Variants in RSRC1 observed in about 807,000 individuals in gnomAD.
The protein encoded by RSRC1 is arginine and serine rich coiled-coil 1, also known as serine/Arginine-related protein 53.
A neutral mutation model predicts 49.1 loss-of-function variants in RSRC1; 39 were observed. The ratio of observed to expected loss-of-function variants is 0.79; its 90% CI spans 0.61 to 1.04. The LOEUF (loss-of-function observed/expected upper bound fraction) is 1.04. Among genes scored for constraint, RSRC1 ranks in the 50% least tolerant of loss-of-function variants. The pLI is 0.00. For missense variants in RSRC1, 388 were observed against 402.4 expected (o/e 0.96, Z 0.31); for synonymous variants, 143 against 130.8 (o/e 1.09, Z -0.63).
At chr3:158,120,243 C>T (rs1715156448) in intron 1 of RSRC1, among the ~76,000 whole-genome samples, 1 of 152,064 alleles carries the variant, frequency 6.6e-6, no homozygotes, top group Non-Finnish European at 1.5e-5. Context: ...CTGAAATCTT[C>T]AAAACCAAGT....
chr3:158,331,519 G>A (rs142965211), intron 5 of RSRC1, among the ~76,000 whole-genome samples: 150 of 152,086 alleles, frequency 9.9e-4, no homozygotes, highest in African/African-American at 3.4e-3. Context: ...ATATTTTTAT[G>A]TAGTCAAATC....
At chr3:158,488,518 C>A (rs902532504) in intron 7 of RSRC1, among the ~76,000 whole-genome samples, 19 of 152,148 alleles carry the variant, frequency 1.2e-4, no homozygotes, top group African/African-American at 4.6e-4. Flanking sequence ...TGTTTTTTCT[C>A]AACCATTGCT....
chr3:158,543,590 A>T (rs1713159995), intron 9 of RSRC1, 103 bp downstream of exon 9: 1 of 1,225,656 alleles, frequency 8.2e-7, no homozygotes, highest in East Asian at 2.5e-5. Context: ...CATTGGAGGA[A>T]ACAGGTTCAT....
At chr3:158,301,260 G>A (rs538266824) in intron 5 of RSRC1, among the ~76,000 whole-genome samples, 1 of 152,112 alleles carries the variant, frequency 6.6e-6, no homozygotes, top group South Asian at 2.1e-4. Context: ...TCTAGACTCA[G>A]ACTTTGAAGG....
At chr3:158,149,708 G>T (rs977387618) in intron 3 of RSRC1, among the ~76,000 whole-genome samples, 2 of 152,078 alleles carry the variant, frequency 1.3e-5, no homozygotes, top group Admixed American at 6.6e-5. Flanking sequence ...TCCAACTCTG[G>T]TTGAAACCAA....
In RSRC1 at chr3:158,544,271, C is replaced by T; in HGVS notation, c.1001C>T (p.Ala334Val). The change falls in exon 10 of 10, where the codon GCC (alanine) becomes GTC (valine). Residue 334 changes from alanine (A) to valine (V), a missense_variant. Physicochemically the swap from Ala to Val is moderately conservative, Grantham distance 64. Transcript: ENST00000611884. ...GAAAGACTAATGGGCAGTCCTGTGG[C>T]CTAAGTAATATACATATAGTTGGAT... is the stretch of plus-strand genomic sequence containing the variant. ...RQERLMGSPV[A>V] 6.3e-7 allele frequency: 1 copy of T among 1,597,822 alleles called. No individual in the cohort carries two copies. Among genetic ancestry groups the T allele is most frequent in the Non-Finnish European group, 8.6e-7 (1 of 1,166,662 alleles).
intron 7 of RSRC1, among the ~76,000 whole-genome samples, chr3:158,520,339 T>G (rs1043358117): frequency 3.9e-5 from 6 of 152,124 alleles, no homozygotes; most frequent in African/African-American, 1.4e-4. Flanking sequence ...AATCAGCACA[T>G]GGAGGAACAA....
At chr3:158,522,033 G>C (rs1298611695) in intron 7 of RSRC1, among the ~76,000 whole-genome samples, 1 of 151,986 alleles carries the variant, frequency 6.6e-6, no homozygotes, top group Non-Finnish European at 1.5e-5. Flanking sequence ...GATCGTTATT[G>C]ATTGAGATTT....
chr3:158,186,925 G>C (rs988902807), intron 3 of RSRC1, among the ~76,000 whole-genome samples: 1 of 151,942 alleles, frequency 6.6e-6, no homozygotes, highest in Non-Finnish European at 1.5e-5. Context: ...CTTGTAACAA[G>C]ATAGGGTTAA....
At chr3:158,249,997 CAT>C (rs1211034947) in intron 4 of RSRC1, among the ~76,000 whole-genome samples, 1 of 152,150 alleles carries the variant, frequency 6.6e-6, no homozygotes, top group African/African-American at 2.4e-5. Context: ...TAGTAAGCAT[CAT>C]TGTACTCTCT....
intron 4 of RSRC1, among the ~76,000 whole-genome samples, chr3:158,284,425 G>A (rs1203229339): frequency 1.4e-5 from 2 of 146,656 alleles, no homozygotes; most frequent in South Asian, 2.2e-4. Context: ...GGATGGCTGG[G>A]TCAAATGGTA....
At chr3:158,347,390 T>C (rs1418603889) in intron 5 of RSRC1, among the ~76,000 whole-genome samples, 1 of 152,218 alleles carries the variant, frequency 6.6e-6, no homozygotes, top group Non-Finnish European at 1.5e-5. Flanking sequence ...TGTGAAGTTA[T>C]TTCAACTATA....
intron 7 of RSRC1, among the ~76,000 whole-genome samples, chr3:158,499,884 A>G (rs1485268672): frequency 6.6e-6 from 1 of 152,108 alleles, no homozygotes; most frequent in Non-Finnish European, 1.5e-5. Context: ...TGCTCTGGCT[A>G]TGACTTCGAG....
At chr3:158,194,054 TACACACACACACACACAC>T (rs10530687) in intron 3 of RSRC1, among the ~76,000 whole-genome samples, 6,962 of 144,104 alleles carry the variant, frequency 0.048, 227 homozygotes, top group African/African-American at 0.078. Flanking sequence ...ACCCCGTCTA[TACACACACACACACACAC>T]ACACACACAC....
At chr3:158,486,701 T>C (rs1433364355) in intron 7 of RSRC1, among the ~76,000 whole-genome samples, 1 of 152,140 alleles carries the variant, frequency 6.6e-6, no homozygotes, top group Non-Finnish European at 1.5e-5. Context: ...TAAATGCCTT[T>C]ACCAGTGCTA....
intron 3 of RSRC1, among the ~76,000 whole-genome samples, chr3:158,193,713 G>A (rs149577855): frequency 1.9e-3 from 290 of 152,020 alleles, no homozygotes; most frequent in Non-Finnish European, 3.4e-3. Flanking sequence ...AAATTTCCAC[G>A]TATTTACACG....
At chr3:158,451,641 C>T (rs2108390941) in intron 6 of RSRC1, among the ~76,000 whole-genome samples, 1 of 152,088 alleles carries the variant, frequency 6.6e-6, no homozygotes, top group Non-Finnish European at 1.5e-5. Flanking sequence ...TTTATTATCT[C>T]AAAACACATA....
intron 6 of RSRC1, among the ~76,000 whole-genome samples, chr3:158,388,403 A>G (rs1373417567): frequency 3.3e-5 from 5 of 152,040 alleles, no homozygotes; most frequent in Non-Finnish European, 7.4e-5. Flanking sequence ...ACATTATTTC[A>G]TGATTCCCAT....
chr3:158,517,862 G>A (rs115130331), intron 7 of RSRC1, among the ~76,000 whole-genome samples: 1,417 of 139,758 alleles, frequency 0.01, 16 homozygotes, highest in African/African-American at 0.036. Flanking sequence ...CCTCTGCTTC[G>A]CAAAGTGAGG....
Sources: allele counts gnomAD v4.1 joint callset (sites outside exome capture counted in the v4.1 genomes callset), GRCh38; gene constraint gnomAD v4.1.1; transcripts MANE v1.5; gene names NCBI Gene and HGNC (gene_info 2026-07-23, HGNC 2026-07-21).